Variants in SAMD4B observed in about 807,000 individuals in gnomAD.
SAMD4B encodes sterile alpha motif domain containing 4B.
A neutral mutation model predicts 74.5 loss-of-function variants in SAMD4B; 5 were observed. The ratio of observed to expected loss-of-function variants is 0.07; its 90% CI spans 0.04 to 0.14. SAMD4B has a LOEUF of 0.14. Among genes scored for constraint, SAMD4B ranks in the 10% least tolerant of loss-of-function variants. The pLI is 1.00. For synonymous variants in SAMD4B, 373 were observed against 374.9 expected (o/e 1.00, Z 0.06); for missense variants, 608 against 921.8 (o/e 0.66, Z 4.41).
At position 39,374,867 on chromosome 19, in the gene SAMD4B, TAAAC is replaced by T. The variant is rs143838682; in HGVS notation, c.668-779_668-776del. ...AAAAGTAAATAAATTTTTAAAAAAA[TAAAC>T]AAATAACTTGATAATTTCAGGTTGT... is the stretch of plus-strand genomic sequence containing the variant. On this transcript the variant is annotated intron_variant, in intron 4 of 13. Coordinates refer to ENST00000610417, the MANE Select transcript of SAMD4B (RefSeq NM_001384574.2). Among the ~76,000 whole-genome samples, 882 of 152,174 alleles carry T rather than the reference TAAAC, an allele frequency of 5.8e-3. 3 individuals carry two copies. The highest frequency in any genetic ancestry group is 0.011 in the Admixed American group (174 of 15,268).
downstream of SAMD4B, chr19:39,387,241 T>C (rs1198463271): frequency 4.9e-6 from 2 of 408,454 alleles, no homozygotes; most frequent in East Asian, 7.2e-5. Context: ...CAGGCAATTG[T>C]AATACAATAG....
At chr19:39,377,945 G>A (rs995597218) in intron 8 of SAMD4B, 121 bp downstream of exon 8, 4 of 970,178 alleles carry the variant, frequency 4.1e-6, no homozygotes, top group Admixed American at 2.8e-5. Flanking sequence ...ACTGGAGACT[G>A]GAACACTACA....
Position 39,380,090 on chromosome 19 carries a change from C to G in SAMD4B, c.1649+6C>G, listed in dbSNP as rs763338796. 2.5e-6 allele frequency: 4 copies of G among 1,610,480 alleles called. No individual in the cohort carries two copies. Among genetic ancestry groups the G allele is most frequent in the Non-Finnish European group, 3.4e-6 (4 of 1,177,766 alleles). On this transcript the variant is annotated splice_donor_region_variant and intron_variant, in intron 10 of 13. Transcript: ENST00000610417. Reference sequence around the variant, plus strand: ...AACTACCGGCAGCAGAAAGGGTAGGCGGGTGGCCAGGTTACAGGGACCTGC... The same window carrying G: ...AACTACCGGCAGCAGAAAGGGTAGGGGGGTGGCCAGGTTACAGGGACCTGC...
chr19:39,370,705 C>G (rs2077241176), intron 4 of SAMD4B, among the ~76,000 whole-genome samples: 1 of 152,218 alleles, frequency 6.6e-6, no homozygotes, highest in South Asian at 2.1e-4. Context: ...AGCTTTGTTT[C>G]TGAGAACACT....
At chr19:39,363,941 C>T (rs962711447) in intron 3 of SAMD4B, among the ~76,000 whole-genome samples, 1 of 152,218 alleles carries the variant, frequency 6.6e-6, no homozygotes, top group African/African-American at 2.4e-5. Flanking sequence ...CCATTATTTA[C>T]AGCCCCAGCT....
At chr19:39,381,272 T>G (rs2077967994) in intron 12 of SAMD4B, 159 bp downstream of exon 12, 5 of 832,078 alleles carry the variant, frequency 6.0e-6, no homozygotes, top group Non-Finnish European at 8.9e-6. Flanking sequence ...TGTGGGGGGT[T>G]GTTTTCCTCC....
chr19:39,388,896 GGAACAGGCAC>G, downstream of SAMD4B: 1 of 1,611,602 alleles, frequency 6.2e-7, no homozygotes, highest in Non-Finnish European at 8.5e-7. Context: ...GGGTTAGATG[GGAACAGGCAC>G]AAATAGGCTG....
chr19:39,374,198 G>A (rs1234937303), intron 4 of SAMD4B, among the ~76,000 whole-genome samples: 1 of 152,146 alleles, frequency 6.6e-6, no homozygotes, highest in Non-Finnish European at 1.5e-5. Flanking sequence ...TTGAACCCAG[G>A]AGGTGGAGGT....
In SAMD4B at chr19:39,378,958, C is replaced by T. The variant is rs991149536; in HGVS notation, c.1530+369C>T. 1.3e-5 allele frequency among the ~76,000 whole-genome samples: 2 copies of T among 152,296 alleles called. No homozygotes were observed. Among genetic ancestry groups the T allele is most frequent in the East Asian group, 1.9e-4 (1 of 5,188 alleles). ...ATGTGGCCCATAGGGCCTTACCTGA[C>T]GTGGCACATGCCAGCCCTTCCAGTC... On this transcript the variant is annotated intron_variant, in intron 9 of 13. Coordinates refer to ENST00000610417, the MANE Select transcript of SAMD4B (RefSeq NM_001384574.2). This position sits in a 1 kb window ranked among gnomAD's most constrained non-coding sequence, Gnocchi z 4.4.
Position 39,373,915 on chromosome 19 carries a change from GA to G in SAMD4B, c.668-1734del, listed in dbSNP as rs1374417155. 4.6e-5 allele frequency among the ~76,000 whole-genome samples: 7 copies of G among 151,980 alleles called. No homozygotes were observed. The East Asian group carries it at 1.4e-3, about 29-fold the overall frequency. ...GGAGGCAGAGGTTGCAGTGAGCCGAGATTGTGCCACTGCACTCCAGGCTAGG... is the reference window on the plus strand; with the variant it reads ...GGAGGCAGAGGTTGCAGTGAGCCGAGTTGTGCCACTGCACTCCAGGCTAGG... On this transcript the variant is annotated intron_variant, in intron 4 of 13. Transcript: ENST00000610417.
intron 9 of SAMD4B, 98 bp from the exon 10 acceptor site, chr19:39,379,868 C>A: frequency 9.4e-7 from 1 of 1,062,310 alleles, no homozygotes; most frequent in Non-Finnish European, 1.4e-6. Context: ...CCACGCCCGG[C>A]CAGGCAATAA....
intron 3 of SAMD4B, among the ~76,000 whole-genome samples, chr19:39,357,597 A>G (rs2076406517): frequency 6.6e-6 from 1 of 152,226 alleles, no homozygotes; most frequent in Non-Finnish European, 1.5e-5. Context: ...CTAAGTACTT[A>G]TTAGGCACTC....
intron 3 of SAMD4B, among the ~76,000 whole-genome samples, chr19:39,367,869 G>C (rs915920366): frequency 6.6e-6 from 1 of 151,634 alleles, no homozygotes; most frequent in Non-Finnish European, 1.5e-5. Flanking sequence ...AGCCTTCTTT[G>C]ATGTGGCCAG....
At chr19:39,361,013 G>A (rs1374731635) in intron 3 of SAMD4B, among the ~76,000 whole-genome samples, 1 of 152,038 alleles carries the variant, frequency 6.6e-6, no homozygotes, top group African/African-American at 2.4e-5. Context: ...AACACCTCTT[G>A]TGACCTGGGT....
chr19:39,380,714 C>A lies in SAMD4B; in HGVS notation c.1777C>A (p.Pro593Thr), dbSNP rs548356241. ...ACCCGGCCGGATGGGCCTCCTGAGC[C>A]CCTCGGGCATTGGGGGTGTCTCCCC... The part of the protein sequence containing the change: ...LPPGRMGLLS[P>T]SGIGGVSPRH... The change falls in exon 11 of 14, where the codon CCC (proline) becomes ACC (threonine). Residue 593 changes from proline (P) to threonine (T), a missense_variant. Physicochemically the swap from Pro to Thr is conservative, Grantham distance 38 (BLOSUM62 -1). Around this residue, in one of 9 missense-constraint regions of SAMD4B, gnomAD observed 167 missense variants for 193.0 expected, o/e 0.87. Coordinates refer to ENST00000610417, the MANE Select transcript of SAMD4B (RefSeq NM_001384574.2). 1.9e-5 allele frequency: 30 copies of A among 1,610,880 alleles called. No individual in the cohort carries two copies. In the East Asian group the frequency reaches 6.7e-4, roughly 36 times the overall value.
chr19:39,389,802 T>C, downstream of SAMD4B: 1 of 1,613,082 alleles, frequency 6.2e-7, no homozygotes, highest in South Asian at 1.1e-5. This position sits in a 1 kb window ranked among gnomAD's most constrained non-coding sequence, Gnocchi z 5.3. Context: ...GGATTCCAGC[T>C]TCACCCCTCA....
At position 39,378,614 on chromosome 19, in the gene SAMD4B, A is replaced by G. The variant is rs1162825085; in HGVS notation, c.1530+25A>G. The G allele has an allele frequency of 5.0e-6, 8 of 1,605,478 alleles. No homozygotes were observed. Among genetic ancestry groups the G allele is most frequent in the East Asian group, 2.2e-5 (1 of 44,810 alleles). On this transcript the variant is annotated intron_variant, in intron 9 of 13. Coordinates refer to ENST00000610417, the MANE Select transcript of SAMD4B (RefSeq NM_001384574.2). The surrounding 1 kb of genome is among the most constrained non-coding windows in gnomAD (Gnocchi z 4.4). Reference sequence around the variant, plus strand: ...GGTAAGGCCTTCCCTAGCATACTCAAAAAGGGAAAGGCGGCCAGGCGTGGT... The same window carrying G: ...GGTAAGGCCTTCCCTAGCATACTCAGAAAGGGAAAGGCGGCCAGGCGTGGT...
At chr19:39,388,915 T>A, downstream of SAMD4B, 1 of 1,611,386 alleles carries the variant, frequency 6.2e-7, no homozygotes, top group Non-Finnish European at 8.5e-7. Flanking sequence ...ACAAATAGGC[T>A]GTCCCTTTCT....
rs1393341664 is a variant in SAMD4B at position 39,369,887 on chromosome 19, G to A, written c.429G>A (p.Leu143=). Residue 143 remains leucine (L), a synonymous_variant, in exon 4 of 14, where the codon CTG becomes CTA. Coordinates refer to ENST00000610417, the MANE Select transcript of SAMD4B (RefSeq NM_001384574.2). ...PATTLEDRNA[L]ALWLSHLEER... ...CCACACTGGAGGACCGCAACGCACT[G>A]GCCCTCTGGCTGAGCCACCTGGAAG... 2 of 1,614,242 alleles carry A rather than the reference G, an allele frequency of 1.2e-6. No homozygotes were observed. Among genetic ancestry groups the A allele is most frequent in the Admixed American group, 1.7e-5 (1 of 60,034 alleles).
Sources: gnomAD v4.1 joint callset for allele counts (sites outside exome capture counted in the v4.1 genomes callset) on GRCh38, gnomAD v4.1.1 for gene constraint, gnomAD v4.1.1 regional missense constraint, Gnocchi (gnomAD v3.1) non-coding constraint, MANE v1.5 for transcripts, NCBI Gene and HGNC (gene_info 2026-07-23, HGNC 2026-07-21) for gene names.